The following RPS6KA2 variants were observed in gnomAD, a reference collection of about 807,000 sequenced individuals.
RPS6KA2 encodes the protein ribosomal protein S6 kinase alpha-2.
In RPS6KA2, 42 loss-of-function variants were observed where a neutral mutation model predicts 91.8. The ratio of observed to expected loss-of-function variants is 0.46; its 90% CI spans 0.36 to 0.59. The LOEUF is 0.59. Among genes scored for constraint, RPS6KA2 ranks in the 20% least tolerant of loss-of-function variants. The pLI is 0.00. For missense variants in RPS6KA2, 798 were observed against 978.5 expected (o/e 0.82, Z 2.46); for synonymous variants, 414 against 393.6 (o/e 1.05, Z -0.61).
chr6:166,626,053 A>C lies in RPS6KA2; in HGVS notation c.99+868T>G, dbSNP rs964930601. Among the ~76,000 whole-genome samples, 2 of 152,216 alleles carry C rather than the reference A, an allele frequency of 1.3e-5. No individual in the cohort carries two copies. Among genetic ancestry groups the C allele is most frequent in the African/African-American group, 2.4e-5 (1 of 41,458 alleles). On this transcript the variant is annotated intron_variant, in intron 1 of 20. Transcript: ENST00000265678. This position sits in a 1 kb window ranked among gnomAD's most constrained non-coding sequence, Gnocchi z 4.1. ...GTGCCAGCCTTGAGGCAAAGGCGGG[A>C]CAGTGTCAGGCGAAATCTTTGGGTC...
At chr6:166,609,950 G>A (rs1282012266) in intron 1 of RPS6KA2, among the ~76,000 whole-genome samples, 4 of 152,166 alleles carry the variant, frequency 2.6e-5, no homozygotes, top group Non-Finnish European at 4.4e-5. Context: ...AAATGTATTA[G>A]CTTCGGACTA....
intron 2 of RPS6KA2, among the ~76,000 whole-genome samples, chr6:166,838,177 T>A (rs992308070): frequency 2.0e-5 from 3 of 152,218 alleles, no homozygotes; most frequent in African/African-American, 7.2e-5. Flanking sequence ...TTGCTAAAAT[T>A]AACAGTTGGA....
chr6:166,555,542 A>G (rs1052685481), intron 1 of RPS6KA2, among the ~76,000 whole-genome samples: 1 of 151,824 alleles, frequency 6.6e-6, no homozygotes, highest in Non-Finnish European at 1.5e-5. Context: ...AAAAGCCACA[A>G]TCCTGAGCCC....
chr6:166,740,022 G>A (rs1790767756), intron 2 of RPS6KA2, among the ~76,000 whole-genome samples: 1 of 152,254 alleles, frequency 6.6e-6, no homozygotes, highest in South Asian at 2.1e-4. Context: ...CTAGGCCTGT[G>A]CTATGCACAC....
In RPS6KA2 at chr6:166,647,963, CATACAT is replaced by C. The variant is rs1562362714; in HGVS notation, c.124-109185_124-109180del. On this transcript the variant is annotated intron_variant, in intron 2 of 21. Transcript: ENST00000503859. ...TCATACACACACATGCACATGCTTA[CATACAT>C]ACACACATGCTCACACACACGCACA... 2.9e-4 allele frequency among the ~76,000 whole-genome samples: 41 copies of C among 141,826 alleles called. 1 individual carries two copies. Among genetic ancestry groups the C allele is most frequent in the African/African-American group, 1.1e-3 (41 of 38,156 alleles). 93.0% of individuals were successfully genotyped at this position (141,826 alleles called of 152,430 possible). A position where few individuals can be genotyped will look rare whatever the true frequency, so the allele number is the denominator to read the frequency against.
chr6:166,663,015 G>A (rs181615735), intron 2 of RPS6KA2, among the ~76,000 whole-genome samples: 10 of 152,204 alleles, frequency 6.6e-5, no homozygotes, highest in South Asian at 6.2e-4. Context: ...CCAAGACCTC[G>A]AACTGGGCTT....
chr6:166,685,664 C>T (rs904682643), intron 2 of RPS6KA2, among the ~76,000 whole-genome samples: 5 of 152,160 alleles, frequency 3.3e-5, no homozygotes, highest in Admixed American at 1.3e-4. Flanking sequence ...AATTCCTCCC[C>T]GTGCACCACC....
intron 2 of RPS6KA2, among the ~76,000 whole-genome samples, chr6:166,774,825 C>T (rs1007961321): frequency 6.7e-6 from 1 of 150,048 alleles, no homozygotes; most frequent in African/African-American, 2.5e-5. Flanking sequence ...CAAAACATCT[C>T]GCCCTTCTTT....
intron 2 of RPS6KA2, among the ~76,000 whole-genome samples, chr6:166,764,098 T>C (rs1183204989): frequency 6.6e-6 from 1 of 152,176 alleles, no homozygotes; most frequent in East Asian, 1.9e-4. Context: ...GCCCTGTGCC[T>C]TGCATCGCTG....
chr6:166,835,909 T>C (rs1328652416), intron 2 of RPS6KA2, among the ~76,000 whole-genome samples: 2 of 152,356 alleles, frequency 1.3e-5, no homozygotes, highest in East Asian at 3.9e-4. Context: ...TTTTTATCCA[T>C]AATTTTTAGA....
At chr6:166,827,524 A>G (rs977861002) in intron 2 of RPS6KA2, among the ~76,000 whole-genome samples, 26 of 152,190 alleles carry the variant, frequency 1.7e-4, no homozygotes, top group African/African-American at 6.3e-4. Context: ...TCCCATTGCA[A>G]TGCTCTACTC....
chr6:166,525,294 T>C (rs751635442), intron 3 of RPS6KA2, among the ~76,000 whole-genome samples: 3 of 152,158 alleles, frequency 2.0e-5, no homozygotes, highest in Non-Finnish European at 4.4e-5. Flanking sequence ...TGTTGAGTCA[T>C]GAATATGGAA....
At chr6:166,443,204 T>G (rs1418764146) in intron 14 of RPS6KA2, among the ~76,000 whole-genome samples, 3 of 152,210 alleles carry the variant, frequency 2.0e-5, no homozygotes, top group Non-Finnish European at 4.4e-5. Flanking sequence ...TGTATGGGAC[T>G]GTATTTATGG....
At chr6:166,805,041 C>T (rs1779456880) in intron 2 of RPS6KA2, among the ~76,000 whole-genome samples, 1 of 152,142 alleles carries the variant, frequency 6.6e-6, no homozygotes, top group Non-Finnish European at 1.5e-5. Flanking sequence ...CATATGAATC[C>T]ATCTCTACTT....
chr6:166,456,405 T>G (rs1440088361), intron 12 of RPS6KA2, among the ~76,000 whole-genome samples: 1 of 152,208 alleles, frequency 6.6e-6, no homozygotes, highest in Admixed American at 6.5e-5. Flanking sequence ...AAAGGAGATG[T>G]AGAACTACAG....
Position 166,490,115 on chromosome 6 carries a change from T to C in RPS6KA2, c.818+556A>G, listed in dbSNP as rs6940115. 0.15 allele frequency among the ~76,000 whole-genome samples: 23,335 copies of C among 152,118 alleles called. 2,095 individuals carry two copies. Among genetic ancestry groups the C allele is most frequent in the African/African-American group, 0.25 (10,180 of 41,470 alleles). ...AGCAAAACCTTGGCTTAGTAAATGA[T>C]TTTTCATGAGAATTAAGCAGAAAAT... is the stretch of plus-strand genomic sequence containing the variant. On this transcript the variant is annotated intron_variant, in intron 9 of 20. Coordinates refer to ENST00000265678, the MANE Select transcript of RPS6KA2 (RefSeq NM_021135.6). This position sits in a 1 kb window ranked among gnomAD's most constrained non-coding sequence, Gnocchi z 4.2.
intron 2 of RPS6KA2, chr6:166,858,188 G>T: frequency 1.4e-6 from 2 of 1,458,694 alleles, no homozygotes; most frequent in South Asian, 1.1e-5. Flanking sequence ...GTAATAAAAC[G>T]TGTATAGTTA....
intron 2 of RPS6KA2, among the ~76,000 whole-genome samples, chr6:166,857,386 T>C (rs993795687): frequency 2.6e-5 from 4 of 152,170 alleles, no homozygotes; most frequent in African/African-American, 4.8e-5. Flanking sequence ...TTACCAGTGG[T>C]GGAAGTGTGG....
chr6:166,807,006 AAAT>A (rs765502950), intron 2 of RPS6KA2, among the ~76,000 whole-genome samples: 9 of 152,338 alleles, frequency 5.9e-5, no homozygotes, highest in Non-Finnish European at 7.3e-5. Flanking sequence ...GAAAATTGCT[AAAT>A]AATATACACA....
Sources: gnomAD v4.1 joint callset for allele counts (sites outside exome capture counted in the v4.1 genomes callset) on GRCh38, gnomAD v4.1.1 for gene constraint, Gnocchi (gnomAD v3.1) non-coding constraint, MANE v1.5 for transcripts, NCBI Gene and HGNC (gene_info 2026-07-23, HGNC 2026-07-21) for gene names.